The following CDC42BPA variants were observed in gnomAD, a reference collection of about 807,000 sequenced individuals.
CDC42BPA encodes serine/threonine-protein kinase MRCK alpha.
Under a neutral mutation model 223.5 loss-of-function variants are expected in CDC42BPA, and 80 were observed. The ratio of observed to expected loss-of-function variants is 0.36; its 90% confidence interval spans 0.30 to 0.43. The LOEUF (loss-of-function observed/expected upper bound fraction) is 0.43, where lower values mean the gene tolerates loss of function less well. Ranked by LOEUF, CDC42BPA falls within the 20% of genes least tolerant of loss-of-function variation. The pLI is 1.00. For missense variants in CDC42BPA, 1,743 were observed against 2,099.9 expected, an observed-to-expected ratio of 0.83 and a Z score of 3.32; for synonymous variants, 694 against 718.6, an observed-to-expected ratio of 0.97 and a Z score of 0.55.
chr1:226,989,981 T>G lies in CDC42BPA; in HGVS notation c.*4287A>C, dbSNP rs1660519766. The G allele has an allele frequency of 6.6e-6, 1 of 152,642 alleles. No homozygotes were observed. Among genetic ancestry groups the G allele is most frequent in the East Asian group, 1.9e-4 (1 of 5,204 alleles). 9.5% of individuals were successfully genotyped at this position (152,642 alleles called of 1,614,324 possible). ...TTTTTTACCATCCCACCTTAAATAT[T>G]TCTGTGCAAAAGAATCCACATCATT... is the stretch of plus-strand genomic sequence containing the variant. On this transcript the variant is annotated 3_prime_UTR_variant, in exon 37 of 37. Transcript: ENST00000366766.
intron 11 of CDC42BPA, among the ~76,000 whole-genome samples, chr1:227,122,306 C>T (rs1688787092): frequency 6.6e-6 from 1 of 152,150 alleles, no homozygotes; most frequent in African/African-American, 2.4e-5. Flanking sequence ...TCTTCTACTT[C>T]TGAAGTGTTC....
At chr1:227,111,562 G>A (rs1162138413) in intron 14 of CDC42BPA, among the ~76,000 whole-genome samples, 1 of 152,166 alleles carries the variant, frequency 6.6e-6, no homozygotes, top group Non-Finnish European at 1.5e-5. Flanking sequence ...TAGGCTCACT[G>A]CAACCTCCAC....
At chr1:227,088,922 C>T (rs1451468843) in intron 16 of CDC42BPA, among the ~76,000 whole-genome samples, 2 of 152,040 alleles carry the variant, frequency 1.3e-5, no homozygotes, top group Non-Finnish European at 2.9e-5. Flanking sequence ...GATGGGGTTT[C>T]TCCACGTTGG....
intron 1 of CDC42BPA, among the ~76,000 whole-genome samples, chr1:227,267,680 A>G (rs1685226236): frequency 6.6e-6 from 1 of 152,222 alleles, no homozygotes; most frequent in African/African-American, 2.4e-5. Context: ...ACTTACAATC[A>G]TGGCAGAAGG....
intron 2 of CDC42BPA, among the ~76,000 whole-genome samples, chr1:227,244,894 C>T (rs1278009645): frequency 6.6e-6 from 1 of 152,196 alleles, no homozygotes; most frequent in African/African-American, 2.4e-5. Context: ...CGCAGAGACT[C>T]AGTGCTGCCC....
At chr1:227,091,205 A>G (rs573466184) in intron 16 of CDC42BPA, among the ~76,000 whole-genome samples, 6 of 151,812 alleles carry the variant, frequency 4.0e-5, no homozygotes, top group Non-Finnish European at 8.8e-5. Flanking sequence ...AACGATGAAT[A>G]TATGAAAAAA....
At chr1:227,249,346 T>C (rs769612252) in intron 2 of CDC42BPA, among the ~76,000 whole-genome samples, 5 of 152,150 alleles carry the variant, frequency 3.3e-5, no homozygotes, top group Non-Finnish European at 7.4e-5. Context: ...AAAACATTGG[T>C]GAAAATCTCC....
rs1158919272 is a variant in CDC42BPA at position 227,205,268 on chromosome 1, CA to C, written c.355-5617del. Among the ~76,000 whole-genome samples the C allele has an allele frequency of 1.3e-4, 14 of 110,204 alleles. 1 individual carries two copies. The East Asian group carries it at 1.4e-3, about 11-fold the overall frequency. 72.3% of individuals were successfully genotyped at this position (110,204 alleles called of 152,430 possible). A position where few individuals can be genotyped will look rare whatever the true frequency, so the allele number is the denominator to read the frequency against. The stretch of plus-strand genomic sequence containing the variant: ...TAGGCAACAGAGTGAGACTCTGTCT[CA>C]AAAAAAAAAAAAAAATATATATATA... On this transcript the variant is annotated intron_variant, in intron 3 of 36. Transcript: ENST00000366766.
chr1:227,198,359 G>C (rs962656756), intron 4 of CDC42BPA, among the ~76,000 whole-genome samples: 1 of 150,704 alleles, frequency 6.6e-6, no homozygotes, highest in Non-Finnish European at 1.5e-5. Flanking sequence ...TCAAGAGGCT[G>C]AGGTGGGAGG....
At chr1:227,212,620 C>T (rs1674127335) in intron 3 of CDC42BPA, among the ~76,000 whole-genome samples, 3 of 152,040 alleles carry the variant, frequency 2.0e-5, no homozygotes, top group African/African-American at 7.2e-5. Context: ...TCCAGTCAAT[C>T]CTTCCCTCAA....
At chr1:227,144,667 C>T (rs1660381653) in intron 8 of CDC42BPA, among the ~76,000 whole-genome samples, 1 of 145,128 alleles carries the variant, frequency 6.9e-6, no homozygotes, top group African/African-American at 2.5e-5. Context: ...AAATTTTAAT[C>T]TCATATAACC....
chr1:227,045,750 T>C (rs1672314205), intron 23 of CDC42BPA, among the ~76,000 whole-genome samples: 1 of 152,218 alleles, frequency 6.6e-6, no homozygotes, highest in Non-Finnish European at 1.5e-5. Flanking sequence ...GTTCTCATAT[T>C]GCTCTGTTTC....
At chr1:227,262,728 T>TAC (rs1206834799) in intron 1 of CDC42BPA, among the ~76,000 whole-genome samples, 1 of 152,202 alleles carries the variant, frequency 6.6e-6, no homozygotes, top group African/African-American at 2.4e-5. Context: ...CAATAAACTC[T>TAC]ACCTCCTGTG....
Position 227,314,370 on chromosome 1 carries a change from C to A in CDC42BPA, c.178+2635G>T, listed in dbSNP as rs1694024971. ...ACTTTTATTCCCTTGCTCTAGTGATCATTGGCTTAATCCTCTCTTTCTCTT... is the reference window on the plus strand; with the variant it reads ...ACTTTTATTCCCTTGCTCTAGTGATAATTGGCTTAATCCTCTCTTTCTCTT... On this transcript the variant is annotated intron_variant, in intron 1 of 36. Coordinates refer to ENST00000366766, the MANE Select transcript of CDC42BPA (RefSeq NM_001394014.1). Among the ~76,000 whole-genome samples the A allele has an allele frequency of 2.0e-5, 3 of 152,052 alleles. No individual in the cohort carries two copies. In the South Asian group the frequency reaches 6.2e-4, roughly 31 times the overall value.
At chr1:227,269,488 AG>A (rs1685612373) in intron 1 of CDC42BPA, among the ~76,000 whole-genome samples, 1 of 152,238 alleles carries the variant, frequency 6.6e-6, no homozygotes, top group Non-Finnish European at 1.5e-5. Context: ...AGAGCCTTAT[AG>A]CCAGAAGTAT....
chr1:227,141,405 G>GA (rs1659640679), intron 9 of CDC42BPA, among the ~76,000 whole-genome samples: 1 of 152,048 alleles, frequency 6.6e-6, no homozygotes, highest in Admixed American at 6.6e-5. Context: ...GACACAAGAA[G>GA]AAAAAAATTC....
chr1:227,239,626 T>A (rs1399393592), intron 2 of CDC42BPA, among the ~76,000 whole-genome samples: 1 of 152,046 alleles, frequency 6.6e-6, no homozygotes, highest in Non-Finnish European at 1.5e-5. Flanking sequence ...ATCCACTATG[T>A]CAACTAACTG....
At chr1:227,064,418 C>A (rs894379303) in intron 21 of CDC42BPA, among the ~76,000 whole-genome samples, 1 of 152,032 alleles carries the variant, frequency 6.6e-6, no homozygotes, top group Non-Finnish European at 1.5e-5. Context: ...TACTCTCAAG[C>A]CAAGCTTTTT....
chr1:227,264,273 T>G (rs1283299541), intron 1 of CDC42BPA, among the ~76,000 whole-genome samples: 1 of 152,174 alleles, frequency 6.6e-6, no homozygotes, highest in African/African-American at 2.4e-5. Context: ...AGAAAGCAAT[T>G]CCAAACATAA....
Sources: gnomAD v4.1 joint callset for allele counts (sites outside exome capture counted in the v4.1 genomes callset) on GRCh38, gnomAD v4.1.1 for gene constraint, MANE v1.5 for transcripts, NCBI Gene and HGNC (gene_info 2026-07-23, HGNC 2026-07-21) for gene names.